Variants in SLC24A3 observed in about 807,000 individuals in gnomAD.
SLC24A3 encodes sodium/potassium/calcium exchanger 3.
Under a neutral mutation model 75.8 loss-of-function variants are expected in SLC24A3, and 28 were observed. The observed-to-expected ratio is 0.37, with a 90% CI of 0.27 to 0.51. The LOEUF (loss-of-function observed/expected upper bound fraction) is 0.51, where lower values mean the gene tolerates loss of function less well. SLC24A3 is among the 20% of genes least tolerant of loss of function. The pLI is 0.94. For missense variants in SLC24A3, 663 were observed against 847.8 expected (o/e 0.78, Z 2.71); for synonymous variants, 372 against 334.1 (o/e 1.11, Z -1.24).
intron 3 of SLC24A3, among the ~76,000 whole-genome samples, chr20:19,538,920 A>AATGGTG (rs1288731237): frequency 6.6e-6 from 1 of 152,266 alleles, no homozygotes; most frequent in East Asian, 1.9e-4. Context: ...GCTATGCAAC[A>AATGGTG]ATGGTGATAA....
At chr20:19,606,832 C>CTGTG (rs2031603953) in intron 6 of SLC24A3, among the ~76,000 whole-genome samples, 2 of 152,166 alleles carry the variant, frequency 1.3e-5, no homozygotes, top group Non-Finnish European at 2.9e-5. Context: ...TGCAAGTCCA[C>CTGTG]ACAGTGAAGA....
intron 2 of SLC24A3, among the ~76,000 whole-genome samples, chr20:19,445,026 T>C (rs534708357): frequency 5.1e-4 from 77 of 152,284 alleles, no homozygotes; most frequent in Non-Finnish European, 8.5e-4. Context: ...TTATTTTTAT[T>C]TTATTTGAGA....
At chr20:19,468,394 G>A (rs529482442) in intron 2 of SLC24A3, among the ~76,000 whole-genome samples, 4 of 152,140 alleles carry the variant, frequency 2.6e-5, no homozygotes, top group South Asian at 2.1e-4. Flanking sequence ...CTCAGAATCC[G>A]AGTTCACCAA....
intron 15 of SLC24A3, among the ~76,000 whole-genome samples, chr20:19,704,895 T>C (rs1158638236): frequency 1.3e-5 from 2 of 151,922 alleles, no homozygotes; most frequent in South Asian, 2.1e-4. Flanking sequence ...CCAATATAGT[T>C]CTTAGCTCAG....
At chr20:19,552,986 G>C (rs533792981) in intron 3 of SLC24A3, among the ~76,000 whole-genome samples, 4 of 151,718 alleles carry the variant, frequency 2.6e-5, no homozygotes, top group Non-Finnish European at 5.9e-5. Flanking sequence ...CCAGACTAGG[G>C]ACCTCGCCTT....
chr20:19,360,534 A>C (rs964845100), intron 2 of SLC24A3, among the ~76,000 whole-genome samples: 2 of 152,252 alleles, frequency 1.3e-5, no homozygotes, highest in Non-Finnish European at 2.9e-5. Context: ...TCAACATGAA[A>C]ATGTCTCAGC....
In SLC24A3 at chr20:19,578,359, G is replaced by A. The variant is rs139075846; in HGVS notation, c.349-1641G>A. On this transcript the variant is annotated intron_variant, in intron 3 of 16. Transcript: ENST00000328041. ...TGTGTGTGTGCATGTGTGTGTGTGCGTGTGCCTGTCCCATCTCTTGGGTCG... is the reference window on the plus strand; with the variant it reads ...TGTGTGTGTGCATGTGTGTGTGTGCATGTGCCTGTCCCATCTCTTGGGTCG... Among the ~76,000 whole-genome samples, 114 of 152,024 alleles carry A rather than the reference G, an allele frequency of 7.5e-4. 2 individuals carry two copies. In the East Asian group the frequency reaches 0.011, roughly 15 times the overall value.
intron 3 of SLC24A3, among the ~76,000 whole-genome samples, chr20:19,539,008 A>G (rs2030450017): frequency 2.0e-5 from 3 of 152,226 alleles, no homozygotes; most frequent in African/African-American, 4.8e-5. Flanking sequence ...CAAAAAAAGT[A>G]TGGGCTGTAT....
chr20:19,677,672 ATTCTTTTTTTT>A (rs1265720800), intron 9 of SLC24A3, among the ~76,000 whole-genome samples: 3 of 124,410 alleles, frequency 2.4e-5, no homozygotes, highest in African/African-American at 9.3e-5. Context: ...CTCTTTTAGG[ATTCTTTTTTTT>A]TTCTTTTTTT....
At chr20:19,527,107 A>G (rs750109276) in intron 3 of SLC24A3, among the ~76,000 whole-genome samples, 3 of 152,040 alleles carry the variant, frequency 2.0e-5, no homozygotes, top group Non-Finnish European at 2.9e-5. Context: ...AAATCCAACT[A>G]CAAACTCCAG....
chr20:19,349,279 T>G (rs183453960), intron 2 of SLC24A3, among the ~76,000 whole-genome samples: 8 of 152,354 alleles, frequency 5.3e-5, no homozygotes, highest in African/African-American at 1.4e-4. Flanking sequence ...CTCCTGTCTC[T>G]GTGCCTCTAG....
intron 1 of SLC24A3, among the ~76,000 whole-genome samples, chr20:19,242,005 G>T (rs931921198): frequency 6.6e-6 from 1 of 152,142 alleles, no homozygotes; most frequent in Non-Finnish European, 1.5e-5. Flanking sequence ...TACCTTCAAG[G>T]TCCCAGGACT....
chr20:19,365,585 A>G (rs1985874264), intron 2 of SLC24A3, among the ~76,000 whole-genome samples: 1 of 152,212 alleles, frequency 6.6e-6, no homozygotes, highest in Non-Finnish European at 1.5e-5. Flanking sequence ...GCTATACAGA[A>G]AAGCACATGG....
intron 1 of SLC24A3, among the ~76,000 whole-genome samples, chr20:19,266,919 T>A (rs947332199): frequency 2.0e-5 from 3 of 152,200 alleles, no homozygotes; most frequent in African/African-American, 7.2e-5. Flanking sequence ...CTTATACCTA[T>A]CTTTGTATTT....
intron 6 of SLC24A3, among the ~76,000 whole-genome samples, chr20:19,602,990 G>T (rs1432544910): frequency 6.6e-6 from 1 of 152,170 alleles, no homozygotes; most frequent in South Asian, 2.1e-4. Context: ...GCATGTTCAC[G>T]GTGCATGTGG....
intron 2 of SLC24A3, among the ~76,000 whole-genome samples, chr20:19,452,410 G>A: frequency 6.8e-6 from 1 of 147,852 alleles, no homozygotes; most frequent in African/African-American, 2.5e-5. Flanking sequence ...GTGTGTGTGT[G>A]TGTGTGTGTG....
intron 11 of SLC24A3, among the ~76,000 whole-genome samples, 198 bp downstream of exon 11, chr20:19,684,534 G>A (rs1169357104): frequency 6.6e-6 from 1 of 152,120 alleles, no homozygotes; most frequent in African/African-American, 2.4e-5. Flanking sequence ...GTTGAGACAT[G>A]GACTAATTTC....
chr20:19,570,774 C>T (rs1265932639), intron 3 of SLC24A3, among the ~76,000 whole-genome samples: 1 of 152,106 alleles, frequency 6.6e-6, no homozygotes, highest in African/African-American at 2.4e-5. Flanking sequence ...GCCAGTATTA[C>T]TGTGGCATAT....
intron 2 of SLC24A3, among the ~76,000 whole-genome samples, chr20:19,299,826 G>A (rs1568582983): frequency 1.3e-5 from 2 of 152,172 alleles, no homozygotes. Context: ...ATATCCACAG[G>A]CAACTGGTTA....
Sources: gnomAD v4.1 joint callset for allele counts (sites outside exome capture counted in the v4.1 genomes callset) on GRCh38, gnomAD v4.1.1 for gene constraint, MANE v1.5 for transcripts, NCBI Gene and HGNC (gene_info 2026-07-23, HGNC 2026-07-21) for gene names.